The following ADGRE2 variants were observed in gnomAD, a reference collection of about 807,000 sequenced individuals.
The protein encoded by ADGRE2 is adhesion G protein-coupled receptor E2, also known as CD97 antigen.
A neutral mutation model predicts 100.8 loss-of-function variants in ADGRE2; 83 were observed. That is an observed-to-expected ratio of 0.82 (90% CI 0.69 to 0.99). The LOEUF is 0.99. Ranked by LOEUF, ADGRE2 falls within the 50% of genes least tolerant of loss-of-function variation. The probability of loss-of-function intolerance (pLI) is 0.00; values close to 1 mark genes in which losing one functional copy is unlikely to be tolerated. For missense variants in ADGRE2, 814 were observed against 1,035.7 expected (o/e 0.79, Z 2.94); for synonymous variants, 355 against 413.0 (o/e 0.86, Z 1.70).
At chr19:14,763,248 C>T (rs142570136) in intron 11 of ADGRE2, among the ~76,000 whole-genome samples, 1 of 151,932 alleles carries the variant, frequency 6.6e-6, no homozygotes, top group East Asian at 1.9e-4. Flanking sequence ...GAGGCTGAGA[C>T]AGGAGAATGC....
intron 2 of ADGRE2, 127 bp downstream of exon 2, chr19:14,776,599 G>T: frequency 8.8e-7 from 1 of 1,131,186 alleles, no homozygotes; most frequent in South Asian, 1.4e-5. Context: ...GTGCCTGCTT[G>T]ACCATGTGGC....
At chr19:14,731,138 T>C (rs1358194955), downstream of ADGRE2, 4 of 1,529,818 alleles carry the variant, frequency 2.6e-6, no homozygotes, top group Non-Finnish European at 3.5e-6. Flanking sequence ...TTCTCTTCTC[T>C]TTCCCTCATT....
At position 14,755,701 on chromosome 19, in the gene ADGRE2, CGTT is replaced by C. The variant is rs748761120; in HGVS notation, c.1366_1368del (p.Asn456del). On this transcript the variant is annotated inframe_deletion, in exon 13 of 21. Transcript: ENST00000315576. Reference sequence around the variant, plus strand: ...ACTGGGGAGCTGAGGTTTTGGGTGTCGTTGTTGCTCAGAAAGGCAGAGATCACA... The same window carrying C: ...ACTGGGGAGCTGAGGTTTTGGGTGTCGTTGCTCAGAAAGGCAGAGATCACA... The C allele has an allele frequency of 7.4e-6, 12 of 1,614,118 alleles. No individual in the cohort carries two copies. In the South Asian group the frequency reaches 8.8e-5, roughly 12 times the overall value.
rs1391207836 is a variant in ADGRE2 at position 14,735,974 on chromosome 19, T to G, written c.*262A>C. ...ACGTTCTATAGCTTCATAAATATTGTGCTTCAGAGTGACCAAGATATGGGC... is the reference window on the plus strand; with the variant it reads ...ACGTTCTATAGCTTCATAAATATTGGGCTTCAGAGTGACCAAGATATGGGC... On this transcript the variant is annotated 3_prime_UTR_variant, in exon 21 of 21. Transcript: ENST00000315576. 8.5e-6 allele frequency: 3 copies of G among 354,198 alleles called. No homozygotes were observed. Among genetic ancestry groups the G allele is most frequent in the Non-Finnish European group, 1.6e-5 (3 of 187,784 alleles). 21.9% of individuals were successfully genotyped at this position (354,198 alleles called of 1,614,324 possible).
intron 2 of ADGRE2, among the ~76,000 whole-genome samples, chr19:14,775,860 G>GAAAAAAAGAAAA (rs2044417735): frequency 9.3e-6 from 1 of 107,914 alleles, no homozygotes; most frequent in Non-Finnish European, 1.8e-5. Flanking sequence ...CTCCGCCTCA[G>GAAAAAAAGAAAA]AAAAAAAAAA....
intron 20 of ADGRE2, among the ~76,000 whole-genome samples, chr19:14,739,616 A>G (rs1234492737): frequency 6.6e-6 from 1 of 152,158 alleles, no homozygotes; most frequent in Non-Finnish European, 1.5e-5. Context: ...GAGAGACAGA[A>G]TAATGACCCC....
In ADGRE2 at chr19:14,776,947, C is replaced by T. The variant is rs1198809408; in HGVS notation, c.-171-20G>A. The T allele has an allele frequency of 1.4e-4, 194 of 1,407,564 alleles. 6 individuals are homozygous for T. Among genetic ancestry groups the T allele is most frequent in the South Asian group, 1.3e-3 (93 of 70,052 alleles). The allele number at this position is 1,407,564 out of a possible 1,614,324, so 87.2% of individuals were successfully genotyped here. On this transcript the variant is annotated intron_variant, in intron 1 of 20. Coordinates refer to ENST00000315576, the MANE Select transcript of ADGRE2 (RefSeq NM_013447.4). The stretch of plus-strand genomic sequence containing the variant: ...GTGCAGCTGGAAGCCAGCAGGAAAG[C>T]ACAATAAAAACACAGAACCAGGGGC...
At chr19:14,739,196 CTGACCTCAAG>C (rs2042850703) in intron 20 of ADGRE2, among the ~76,000 whole-genome samples, 1 of 152,108 alleles carries the variant, frequency 6.6e-6, no homozygotes, top group Non-Finnish European at 1.5e-5. Flanking sequence ...TCTCGAACTC[CTGACCTCAAG>C]TGCTCTGCCC....
At chr19:14,730,835 T>C (rs1260712322), downstream of ADGRE2, among the ~76,000 whole-genome samples, 1 of 151,732 alleles carries the variant, frequency 6.6e-6, no homozygotes, top group East Asian at 1.9e-4. Context: ...GTAGTCCCCA[T>C]TGTCTAATGC....
At chr19:14,760,251 T>C (rs2043670066) in intron 11 of ADGRE2, among the ~76,000 whole-genome samples, 1 of 152,228 alleles carries the variant, frequency 6.6e-6, no homozygotes, top group Non-Finnish European at 1.5e-5. Flanking sequence ...AAGTGGTGGA[T>C]ACCTGAGATA....
intron 11 of ADGRE2, among the ~76,000 whole-genome samples, chr19:14,761,125 C>T (rs1466901229): frequency 1.3e-5 from 2 of 152,186 alleles, no homozygotes; most frequent in East Asian, 1.9e-4. Context: ...GTTGCGGGGG[C>T]AGGCGTGGTG....
chr19:14,751,653 C>T lies in ADGRE2; in HGVS notation c.1807G>A (p.Ala603Thr), dbSNP rs760081009. The T allele has an allele frequency of 1.6e-5, 26 of 1,613,746 alleles. No individual in the cohort carries two copies. The highest frequency in any genetic ancestry group is 1.9e-5 in the Non-Finnish European group (22 of 1,179,920). The change falls in exon 16 of 21, where the codon GCC (alanine) becomes ACC (threonine). Residue 603 changes from alanine (A) to threonine (T), a missense_variant. By Grantham distance (58) the Ala-to-Thr change is moderately conservative. Around this residue, in one of 5 missense-constraint regions of ADGRE2, gnomAD observed 569 missense variants for 692.7 expected, o/e 0.82. Transcript: ENST00000315576. ...AGGTAGAGATAGTGCAAGGTACCGG[C>T]GATGATGGAGCACAGCACCTGGCGG... Reference protein sequence around the residue: ...TGHKVLCSIIAGTLHYLYLAT... With the variant: ...TGHKVLCSIITGTLHYLYLAT...
At chr19:14,776,702 C>G in intron 2 of ADGRE2, 24 bp downstream of exon 2, 21 of 1,609,568 alleles carry the variant, frequency 1.3e-5, no homozygotes, top group Non-Finnish European at 1.8e-5. Context: ...GCTACCACCC[C>G]CAGCGGGGCC....
At chr19:14,773,021 G>A (rs914608622) in intron 4 of ADGRE2, among the ~76,000 whole-genome samples, 1 of 147,316 alleles carries the variant, frequency 6.8e-6, no homozygotes, top group Non-Finnish European at 1.5e-5. Context: ...GGAGGTTGCG[G>A]TGAGCCGAGA....
downstream of ADGRE2, among the ~76,000 whole-genome samples, chr19:14,728,589 C>T (rs1471381963): frequency 2.0e-5 from 3 of 152,218 alleles, no homozygotes; most frequent in African/African-American, 4.8e-5. Context: ...TCATCTCAAA[C>T]AACAGTTACT....
chr19:14,753,324 G>C (rs565454914), intron 14 of ADGRE2, among the ~76,000 whole-genome samples: 1 of 152,068 alleles, frequency 6.6e-6, no homozygotes, highest in South Asian at 2.1e-4. Flanking sequence ...ACCCACTGCC[G>C]CTTACAGGCT....
In ADGRE2 at chr19:14,773,587, C is replaced by T. The variant is rs919856358; in HGVS notation, c.199+351G>A. Among the ~76,000 whole-genome samples the T allele has an allele frequency of 2.0e-5, 3 of 151,958 alleles. No homozygotes were observed. The South Asian group carries it at 6.2e-4, about 32-fold the overall frequency. ...AGTGCAATGGTGCAATCATAGCTCA[C>T]TGCAACCTCAAACTCCTGGGCTCAA... On this transcript the variant is annotated intron_variant, in intron 4 of 20. Transcript: ENST00000315576.
rs756390207 is a variant in ADGRE2 at position 14,765,731 on chromosome 19, G to A, written c.708C>T (p.Tyr236=). 1.4e-5 allele frequency: 22 copies of A among 1,613,204 alleles called. No homozygotes were observed. Among genetic ancestry groups the A allele is most frequent in the Non-Finnish European group, 1.9e-5 (22 of 1,179,300 alleles). The change falls in exon 8 of 21, where the codon TAC becomes TAT. Residue 236 remains tyrosine (Y), a synonymous_variant. Coordinates refer to ENST00000315576, the MANE Select transcript of ADGRE2 (RefSeq NM_013447.4). ...TCCAGCCTGGGCGGCAGCGGCAGCT[G>A]TATGAACCCACGGTGTTGAAGCAGA... ...STVCFNTVGS[Y]SCRCRPGWKP...
chr19:14,756,154 CT>C, intron 12 of ADGRE2, 83 bp downstream of exon 12: 1 of 1,111,384 alleles, frequency 9.0e-7, no homozygotes, highest in South Asian at 1.3e-5. Flanking sequence ...TCCCTTTAAT[CT>C]TTAAATTTCT....
Sources: gnomAD v4.1 joint callset for allele counts (sites outside exome capture counted in the v4.1 genomes callset) on GRCh38, gnomAD v4.1.1 for gene constraint, gnomAD v4.1.1 regional missense constraint, MANE v1.5 for transcripts, NCBI Gene and HGNC (gene_info 2026-07-23, HGNC 2026-07-21) for gene names.